CAPN11: variants seen among roughly 807,000 people sequenced by gnomAD.
The protein encoded by CAPN11 is calpain-11.
Under a neutral mutation model 105.3 loss-of-function variants are expected in CAPN11, and 108 were observed. The ratio of observed to expected loss-of-function variants is 1.03; its 90% confidence interval spans 0.88 to 1.20. CAPN11 has a LOEUF of 1.20. Ranked by LOEUF, CAPN11 falls within the 50% of genes most tolerant of loss-of-function variation. The pLI, the probability that CAPN11 is intolerant of heterozygous loss-of-function variation, is 0.00. For synonymous variants in CAPN11, 329 were observed against 344.5 expected, an observed-to-expected ratio of 0.96 and a Z score of 0.50; for missense variants, 883 against 924.8, an observed-to-expected ratio of 0.95 and a Z score of 0.59.
At chr6:44,162,988 T>C (rs1232280227) in intron 1 of CAPN11, among the ~76,000 whole-genome samples, 1 of 152,144 alleles carries the variant, frequency 6.6e-6, no homozygotes, top group Non-Finnish European at 1.5e-5. Context: ...GACACATATG[T>C]GACACAGAGC....
intron 1 of CAPN11, among the ~76,000 whole-genome samples, chr6:44,161,482 G>C (rs550019147): frequency 2.0e-5 from 3 of 152,340 alleles, no homozygotes; most frequent in Non-Finnish European, 4.4e-5. Context: ...TTACAGGCGT[G>C]AGCCACAGTG....
Position 44,179,946 on chromosome 6 carries a change from A to G in CAPN11, c.1429-6A>G, listed in dbSNP as rs1417303632. On this transcript the variant is annotated splice_region_variant and splice_polypyrimidine_tract_variant and intron_variant, in intron 13 of 22. Coordinates refer to ENST00000398776, the MANE Select transcript of CAPN11 (RefSeq NM_007058.4). ...AGTCCTGTACCCACTTCCAGGATGC[A>G]TATAGTTTCAGAACATTCAGGATGT... The G allele has an allele frequency of 5.0e-6, 8 of 1,606,922 alleles. No individual in the cohort carries two copies. Among genetic ancestry groups the G allele is most frequent in the Non-Finnish European group, 6.0e-6 (7 of 1,173,460 alleles).
intron 12 of CAPN11, among the ~76,000 whole-genome samples, chr6:44,178,976 T>C (rs1259041144): frequency 6.6e-6 from 1 of 152,114 alleles, no homozygotes; most frequent in Non-Finnish European, 1.5e-5. Flanking sequence ...GCCTGAGCTC[T>C]CCGGTGCACA....
intron 7 of CAPN11, 70 bp from the exon 8 acceptor site, chr6:44,175,998 T>C (rs1771930609): frequency 2.1e-6 from 2 of 972,786 alleles, no homozygotes; most frequent in Non-Finnish European, 3.3e-6. Context: ...GCCCCTTCCT[T>C]TGGGTGCCCA....
chr6:44,168,380 C>T (rs1190106030), intron 2 of CAPN11, among the ~76,000 whole-genome samples: 1 of 152,208 alleles, frequency 6.6e-6, no homozygotes, highest in South Asian at 2.1e-4. Context: ...AGCAATTCTC[C>T]TGCCTCAGCC....
intron 21 of CAPN11, 139 bp downstream of exon 21, chr6:44,183,374 G>T: frequency 1.6e-6 from 1 of 643,120 alleles, no homozygotes; most frequent in South Asian, 1.8e-5. Context: ...GCCCAGCTCC[G>T]CCACTTGCTG....
intron 7 of CAPN11, 48 bp from the exon 8 acceptor site, chr6:44,176,020 C>T: frequency 1.5e-6 from 2 of 1,328,704 alleles, no homozygotes; most frequent in Non-Finnish European, 2.1e-6. Context: ...TCCAGGTCCT[C>T]CATGCCCTCC....
chr6:44,169,566 G>A (rs1324319347), intron 3 of CAPN11, 35 bp downstream of exon 3: 3 of 1,511,140 alleles, frequency 2.0e-6, no homozygotes, highest in South Asian at 1.3e-5. Context: ...ACTCATGGAT[G>A]GAAGGGAGCT....
At chr6:44,164,043 C>A (rs3757272) in intron 1 of CAPN11, among the ~76,000 whole-genome samples, 45,958 of 151,868 alleles carry the variant, frequency 0.3, 8,708 homozygotes, top group Non-Finnish European at 0.42. Flanking sequence ...AGGGGTCTCA[C>A]CATGTTCCCC....
chr6:44,182,596 C>A (rs187146867), intron 19 of CAPN11, among the ~76,000 whole-genome samples: 340 of 152,188 alleles, frequency 2.2e-3, no homozygotes, highest in Non-Finnish European at 3.5e-3. Context: ...TAAAGTATTT[C>A]TTTTTCTTTT....
chr6:44,167,180 T>C (rs1235415200), intron 2 of CAPN11, among the ~76,000 whole-genome samples: 2 of 151,920 alleles, frequency 1.3e-5, no homozygotes, highest in South Asian at 2.1e-4. Flanking sequence ...CTCTCTACAC[T>C]CCATTATTTC....
chr6:44,180,378 T>C (rs1472126373), intron 14 of CAPN11, 82 bp from the exon 15 acceptor site: 2 of 1,356,208 alleles, frequency 1.5e-6, no homozygotes, highest in African/African-American at 2.9e-5. Context: ...TTCAAAGACA[T>C]GACATGACCC....
chr6:44,176,051 C>A lies in CAPN11; in HGVS notation c.832-17C>A. On this transcript the variant is annotated splice_polypyrimidine_tract_variant and intron_variant, in intron 7 of 22. Coordinates refer to ENST00000398776, the MANE Select transcript of CAPN11 (RefSeq NM_007058.4). ...CCTCCATGCCCTCCATGCTCTCCCTCCCTCTCTGTTCTGTAGGTCACCAGT... is the reference window on the plus strand; with the variant it reads ...CCTCCATGCCCTCCATGCTCTCCCTACCTCTCTGTTCTGTAGGTCACCAGT... 6.3e-7 allele frequency: 1 copy of A among 1,587,096 alleles called. No individual in the cohort carries two copies. Among genetic ancestry groups the A allele is most frequent in the Non-Finnish European group, 8.6e-7 (1 of 1,158,802 alleles).
chr6:44,181,041 C>T (rs367679705), intron 18 of CAPN11, 44 bp downstream of exon 18: 35 of 1,571,010 alleles, frequency 2.2e-5, no homozygotes, highest in Non-Finnish European at 2.9e-5. Flanking sequence ...CCCCTGCCCA[C>T]AAGCCTGGCC....
intron 2 of CAPN11, among the ~76,000 whole-genome samples, chr6:44,168,020 T>TA (rs148124290): frequency 0.041 from 6,147 of 151,192 alleles, 150 homozygotes; most frequent in East Asian, 0.13. Context: ...CTCTGCCTCT[T>TA]AAAAAAAAAT....
At position 44,173,338 on chromosome 6, in the gene CAPN11, C is replaced by T. The variant is rs538226958; in HGVS notation, c.783C>T (p.Leu261=). ...GGCCCCCTCAGAACCTGCTCAGGCT[C>T]CTTAGGAAGGCCGTGGAGCGATCCT... ...LQRPPQNLLR[L]LRKAVERSSL... Residue 261 remains leucine (L), a synonymous_variant, in exon 7 of 23, where the codon CTC becomes CTT. Transcript: ENST00000398776. The T allele has an allele frequency of 4.5e-5, 72 of 1,613,796 alleles. No homozygotes were observed. The South Asian group carries it at 7.4e-4, about 16-fold the overall frequency.
intron 19 of CAPN11, among the ~76,000 whole-genome samples, chr6:44,181,922 ACACT>A (rs1469564765): frequency 1.5e-5 from 2 of 133,604 alleles, no homozygotes; most frequent in East Asian, 2.2e-4. Flanking sequence ...ACACACATAC[ACACT>A]CACATACAGA....
Position 44,165,267 on chromosome 6 carries a change from T to TG in CAPN11, c.17-1487dup, listed in dbSNP as rs148319770. Among the ~76,000 whole-genome samples, 992 of 152,322 alleles carry TG rather than the reference T, an allele frequency of 6.5e-3. 4 individuals are homozygous for TG. Among genetic ancestry groups the TG allele is most frequent in the African/African-American group, 0.022 (905 of 41,570 alleles). ...AGGATGTTAGAAGAAAGGGGCCAGT[T>TG]GGGGAATCATTCTTTTGGCCTAGAT... On this transcript the variant is annotated intron_variant, in intron 1 of 22. Transcript: ENST00000398776.
rs975908985 is a variant in CAPN11 at position 44,177,168 on chromosome 6, A to T, written c.1238-74A>T. On this transcript the variant is annotated intron_variant, in intron 11 of 22. Transcript: ENST00000398776. The stretch of plus-strand genomic sequence containing the variant: ...GAGACAGCTCCAGTGTGGCTGGGGA[A>T]GCTCGGTCCACCCTGGGAAGGGCGT... The T allele has an allele frequency of 6.7e-6, 10 of 1,501,344 alleles. No homozygotes were observed. In the African/African-American group the frequency reaches 8.3e-5, roughly 12 times the overall value. The allele number at this position is 1,501,344 out of a possible 1,614,324, so 93.0% of individuals were successfully genotyped here.
Sources: allele counts gnomAD v4.1 joint callset (sites outside exome capture counted in the v4.1 genomes callset), GRCh38; gene constraint gnomAD v4.1.1; transcripts MANE v1.5; gene names NCBI Gene and HGNC (gene_info 2026-07-23, HGNC 2026-07-21).